The following PDE4D variants were observed in gnomAD, a reference collection of about 807,000 sequenced individuals.
PDE4D encodes the protein 3',5'-cyclic-AMP phosphodiesterase 4D.
A neutral mutation model predicts 87.4 loss-of-function variants in PDE4D; 24 were observed. The ratio of observed to expected loss-of-function variants is 0.27; its 90% CI spans 0.20 to 0.39. PDE4D has a LOEUF of 0.39. Ranked by LOEUF, PDE4D falls within the 10% of genes least tolerant of loss-of-function variation. The pLI is 1.00. For missense variants in PDE4D, 714 were observed against 1,041.0 expected, an observed-to-expected ratio of 0.69 and a Z score of 4.32; for synonymous variants, 384 against 383.2, an observed-to-expected ratio of 1.00 and a Z score of -0.02.
chr5:59,498,815 G>A (rs543702540), intron 1 of PDE4D, among the ~76,000 whole-genome samples: 2 of 151,928 alleles, frequency 1.3e-5, no homozygotes, highest in Non-Finnish European at 2.9e-5. Context: ...GACTTTCATG[G>A]CCACCCAATA....
At chr5:58,998,265 T>A (rs1165918095) in intron 6 of PDE4D, among the ~76,000 whole-genome samples, 12 of 152,108 alleles carry the variant, frequency 7.9e-5, no homozygotes, top group Non-Finnish European at 1.5e-4. Context: ...TATATGTAGA[T>A]TCTTGGCAAT....
At chr5:59,300,333 G>T (rs1769972562) in intron 1 of PDE4D, among the ~76,000 whole-genome samples, 1 of 151,912 alleles carries the variant, frequency 6.6e-6, no homozygotes, top group African/African-American at 2.4e-5. Context: ...TATATTTTCT[G>T]ACAGTATACT....
chr5:59,225,485 C>A (rs1753563555), intron 1 of PDE4D, among the ~76,000 whole-genome samples: 1 of 152,130 alleles, frequency 6.6e-6, no homozygotes, highest in Non-Finnish European at 1.5e-5. Context: ...ACTATTCAGC[C>A]TTTTGTGGTT....
intron 1 of PDE4D, among the ~76,000 whole-genome samples, chr5:60,302,001 C>A (rs975510088): frequency 3.4e-4 from 52 of 152,106 alleles, no homozygotes; most frequent in Admixed American, 2.1e-3. Flanking sequence ...GTTGATACAA[C>A]CTTGCATCCC....
chr5:59,564,018 C>A (rs917135235), intron 1 of PDE4D, among the ~76,000 whole-genome samples: 1 of 152,086 alleles, frequency 6.6e-6, no homozygotes, highest in African/African-American at 2.4e-5. Context: ...AGGAAGGGAG[C>A]ATGTACTCTA....
chr5:60,498,282 G>A (rs1218393142), intron 1 of PDE4D, among the ~76,000 whole-genome samples: 1 of 151,914 alleles, frequency 6.6e-6, no homozygotes, highest in Non-Finnish European at 1.5e-5. Flanking sequence ...AGGAAAATGA[G>A]GCCCACAAAC....
At chr5:59,845,099 C>G (rs571027628) in intron 1 of PDE4D, among the ~76,000 whole-genome samples, 5 of 152,152 alleles carry the variant, frequency 3.3e-5, no homozygotes, top group African/African-American at 1.2e-4. Context: ...CTTGAAGGAG[C>G]TTGAAAGAGG....
intron 1 of PDE4D, among the ~76,000 whole-genome samples, chr5:59,845,049 C>T (rs1743618286): frequency 6.6e-6 from 1 of 152,018 alleles, no homozygotes; most frequent in Admixed American, 6.6e-5. Context: ...AAAGTGGGAA[C>T]TTCGGTCCTA....
intron 1 of PDE4D, among the ~76,000 whole-genome samples, chr5:59,823,775 T>A (rs1769983992): frequency 6.9e-6 from 1 of 145,564 alleles, no homozygotes; most frequent in Non-Finnish European, 1.5e-5. Flanking sequence ...TTCAGACTTA[T>A]TACTACTTAA....
At chr5:59,994,213 T>C (rs1763299697) in intron 2 of PDE4D, among the ~76,000 whole-genome samples, 1 of 151,808 alleles carries the variant, frequency 6.6e-6, no homozygotes, top group African/African-American at 2.4e-5. Flanking sequence ...CTTAATAATC[T>C]CACAGTCTCT....
rs186217445 is a variant in PDE4D at position 60,317,045 on chromosome 5, C to T, written c.-89-131358G>A. ...TTCCCTCTTTTTCTATTGATTGGAA[C>T]AGTTTCAGAAGGAATGGTACCAGCT... On this transcript the variant is annotated intron_variant, in intron 1 of 16. Coordinates refer to the PDE4D transcript ENST00000502484. 8.7e-3 allele frequency among the ~76,000 whole-genome samples: 1,319 copies of T among 152,172 alleles called. 12 individuals are homozygous for T. The highest frequency in any genetic ancestry group is 0.014 in the Non-Finnish European group (952 of 67,990).
chr5:59,697,358 G>C (rs2150433573), intron 1 of PDE4D, among the ~76,000 whole-genome samples: 1 of 152,282 alleles, frequency 6.6e-6, no homozygotes, highest in Admixed American at 6.5e-5. Flanking sequence ...CACATAGAGG[G>C]CCAAAGGGGC....
intron 3 of PDE4D, among the ~76,000 whole-genome samples, chr5:59,954,540 C>T (rs1249760276): frequency 2.0e-5 from 3 of 151,872 alleles, no homozygotes; most frequent in Admixed American, 1.3e-4. Flanking sequence ...CAGAAATGGC[C>T]GTTATTATTA....
In PDE4D at chr5:59,116,483, TTTTAC is replaced by T. The variant is rs563148176; in HGVS notation, c.808+64107_808+64111del. Reference sequence around the variant, plus strand: ...CAATGAGCATCGAGGTACACGTATATTTTACTACCTTTCCTTTCTTACTCAGAGTG... The same window carrying T: ...CAATGAGCATCGAGGTACACGTATATTACCTTTCCTTTCTTACTCAGAGTG... On this transcript the variant is annotated intron_variant, in intron 5 of 14. Coordinates refer to ENST00000340635, the MANE Select transcript of PDE4D (RefSeq NM_001104631.2). Among the ~76,000 whole-genome samples the T allele has an allele frequency of 2.5e-3, 379 of 152,248 alleles. 1 individual carries two copies. The highest frequency in any genetic ancestry group is 8.1e-3 in the Admixed American group (124 of 15,274).
chr5:59,394,846 G>A (rs999753274), intron 1 of PDE4D, among the ~76,000 whole-genome samples: 7 of 152,134 alleles, frequency 4.6e-5, no homozygotes, highest in African/African-American at 1.7e-4. Context: ...GGGAGTGCCA[G>A]ACAGTAGGCG....
chr5:59,406,853 A>C (rs1280093549), intron 1 of PDE4D, among the ~76,000 whole-genome samples: 1 of 152,130 alleles, frequency 6.6e-6, no homozygotes, highest in East Asian at 1.9e-4. Context: ...TTTTTCTGAA[A>C]CGTCTATTTG....
intron 1 of PDE4D, among the ~76,000 whole-genome samples, chr5:60,323,795 C>T (rs1166236384): frequency 7.1e-6 from 1 of 141,840 alleles, no homozygotes; most frequent in Non-Finnish European, 1.5e-5. Flanking sequence ...CTCCTGAGGT[C>T]TCTCTGGCAT....
chr5:59,296,813 A>G (rs958793908), intron 1 of PDE4D, among the ~76,000 whole-genome samples: 7 of 152,118 alleles, frequency 4.6e-5, no homozygotes, highest in Non-Finnish European at 8.8e-5. Context: ...GCATGCACGT[A>G]AAAAGCAAGG....
intron 6 of PDE4D, among the ~76,000 whole-genome samples, chr5:59,017,961 A>C (rs1053363991): frequency 9.9e-5 from 15 of 152,200 alleles, no homozygotes; most frequent in African/African-American, 3.4e-4. Context: ...AGTTGGCTTC[A>C]TGTGAGTTCG....
Sources: gnomAD v4.1 joint callset for allele counts (sites outside exome capture counted in the v4.1 genomes callset) on GRCh38, gnomAD v4.1.1 for gene constraint, MANE v1.5 for transcripts, NCBI Gene and HGNC (gene_info 2026-07-23, HGNC 2026-07-21) for gene names.